Variants in NR5A2 observed in about 807,000 individuals in gnomAD.
NR5A2 encodes nuclear receptor subfamily 5 group A member 2.
NR5A2 carries 26 observed loss-of-function variants against 62.7 expected under a neutral mutation model. That is an observed-to-expected ratio of 0.41 (90% CI 0.30 to 0.58). The LOEUF is 0.58. NR5A2 is among the 20% of genes least tolerant of loss of function. NR5A2 has a pLI of 0.22. For synonymous variants in NR5A2, 246 were observed against 241.7 expected (o/e 1.02, Z -0.16); for missense variants, 541 against 669.1 (o/e 0.81, Z 2.11).
rs189895195 is a variant in NR5A2 at position 200,043,045 on chromosome 1, T to A, written c.203-729T>A. ...CAATACTTTGAAACCAAAACCCTTC[T>A]GTGTGTCTTTTACTCTTCTGGTATT... On this transcript the variant is annotated intron_variant, in intron 2 of 7. Transcript: ENST00000367362. 40 of 970,974 alleles carry A rather than the reference T, an allele frequency of 4.1e-5. No homozygotes were observed. In the African/African-American group the frequency reaches 6.0e-4, roughly 14 times the overall value. The allele number at this position is 970,974 out of a possible 1,614,324, so 60.1% of individuals were successfully genotyped here.
chr1:200,078,056 C>T (rs1016573232), intron 5 of NR5A2, among the ~76,000 whole-genome samples: 4 of 152,320 alleles, frequency 2.6e-5, no homozygotes, highest in African/African-American at 9.6e-5. Context: ...TTAGTATCCT[C>T]ACGTTTCTGT....
chr1:200,033,203 A>G (rs890798269), intron 1 of NR5A2, among the ~76,000 whole-genome samples: 1 of 152,156 alleles, frequency 6.6e-6, no homozygotes, highest in African/African-American at 2.4e-5. Context: ...TTTGTGGTGT[A>G]TGGTAACAAC....
chr1:200,067,792 A>G (rs940749035), intron 5 of NR5A2, among the ~76,000 whole-genome samples: 1 of 152,372 alleles, frequency 6.6e-6, no homozygotes, highest in African/African-American at 2.4e-5. Context: ...GTTTAAAAAC[A>G]CACAAAAAAG....
chr1:200,129,378 A>G (rs1666864366), intron 7 of NR5A2, among the ~76,000 whole-genome samples: 1 of 151,666 alleles, frequency 6.6e-6, no homozygotes, highest in African/African-American at 2.4e-5. Context: ...GGAATAGCAA[A>G]CATTCAGCCA....
intron 7 of NR5A2, among the ~76,000 whole-genome samples, chr1:200,149,711 G>A (rs763008411): frequency 2.0e-5 from 3 of 152,128 alleles, no homozygotes; most frequent in Non-Finnish European, 2.9e-5. Context: ...TCACAATGCC[G>A]GGAGTGCACA....
intron 1 of NR5A2, among the ~76,000 whole-genome samples, chr1:200,035,835 A>G (rs1661752861): frequency 6.6e-6 from 1 of 152,012 alleles, no homozygotes; most frequent in African/African-American, 2.4e-5. Flanking sequence ...GAGGTGGGGG[A>G]AAAGGAGAGA....
At chr1:200,136,050 C>T (rs1667207400) in intron 7 of NR5A2, among the ~76,000 whole-genome samples, 1 of 152,186 alleles carries the variant, frequency 6.6e-6, no homozygotes, top group African/African-American at 2.4e-5. Context: ...ACTCAAGCCG[C>T]TTCACTTTAA....
At chr1:200,061,392 C>CT (rs1246180025) in intron 5 of NR5A2, among the ~76,000 whole-genome samples, 3 of 150,350 alleles carry the variant, frequency 2.0e-5, no homozygotes, top group African/African-American at 7.4e-5. Context: ...GATTCTCCTG[C>CT]TTCAGCCTCC....
chr1:200,152,278 C>G (rs1423278137), intron 7 of NR5A2, among the ~76,000 whole-genome samples: 1 of 152,142 alleles, frequency 6.6e-6, no homozygotes, highest in Non-Finnish European at 1.5e-5. Flanking sequence ...AATTCCCAAT[C>G]TTAACATGTG....
At position 200,175,815 on chromosome 1, in the gene NR5A2, C is replaced by G. The variant is rs189212492; in HGVS notation, c.*1605C>G. Reference sequence around the variant, plus strand: ...TAGACTTTAATTTTTTTGAGATTATCGGCGGCACAATCACTTTGTAGAAAC... The same window carrying G: ...TAGACTTTAATTTTTTTGAGATTATGGGCGGCACAATCACTTTGTAGAAAC... On this transcript the variant is annotated 3_prime_UTR_variant, in exon 8 of 8. Coordinates refer to ENST00000367362, the MANE Select transcript of NR5A2 (RefSeq NM_205860.3). The G allele has an allele frequency of 2.0e-5, 3 of 152,458 alleles. No homozygotes were observed. The highest frequency in any genetic ancestry group is 2.0e-4 in the Admixed American group (3 of 15,266). The allele number at this position is 152,458 out of a possible 1,614,324, so 9.4% of individuals were successfully genotyped here.
intron 5 of NR5A2, among the ~76,000 whole-genome samples, chr1:200,110,429 G>A (rs907867414): frequency 6.6e-6 from 1 of 152,182 alleles, no homozygotes; most frequent in Non-Finnish European, 1.5e-5. Flanking sequence ...GTTCCCTGGC[G>A]GGGAAGGTGG....
intron 7 of NR5A2, among the ~76,000 whole-genome samples, chr1:200,159,500 G>A (rs895243247): frequency 2.6e-5 from 4 of 152,136 alleles, no homozygotes; most frequent in Non-Finnish European, 4.4e-5. Context: ...TGAGCACTAA[G>A]GTCAAGCAAA....
intron 5 of NR5A2, among the ~76,000 whole-genome samples, chr1:200,074,413 A>G (rs1663905483): frequency 6.8e-6 from 1 of 147,484 alleles, no homozygotes. Flanking sequence ...AAAGAAAAAA[A>G]AAAGAAAAAA....
At chr1:200,035,257 G>T (rs1414561346) in intron 1 of NR5A2, among the ~76,000 whole-genome samples, 2 of 152,212 alleles carry the variant, frequency 1.3e-5, no homozygotes, top group East Asian at 3.9e-4. Flanking sequence ...GCACCAAAAA[G>T]TGGGAATGGA....
chr1:200,101,256 A>G (rs532245621), intron 5 of NR5A2, among the ~76,000 whole-genome samples: 1 of 152,302 alleles, frequency 6.6e-6, no homozygotes, highest in African/African-American at 2.4e-5. Flanking sequence ...TAGGTGTTAT[A>G]TTCATTCAAG....
At chr1:200,033,270 C>T (rs1661610601) in intron 1 of NR5A2, among the ~76,000 whole-genome samples, 1 of 152,116 alleles carries the variant, frequency 6.6e-6, no homozygotes, top group Non-Finnish European at 1.5e-5. Context: ...AGAGCATGTA[C>T]TTGTTATAGA....
chr1:200,078,352 T>A (rs1254452199), intron 5 of NR5A2, among the ~76,000 whole-genome samples: 2 of 152,174 alleles, frequency 1.3e-5, no homozygotes, highest in African/African-American at 4.8e-5. Flanking sequence ...AAGGTGCACT[T>A]GCCTGTCTCA....
At chr1:200,059,952 C>G (rs1663119659) in intron 5 of NR5A2, among the ~76,000 whole-genome samples, 1 of 152,038 alleles carries the variant, frequency 6.6e-6, no homozygotes, top group Non-Finnish European at 1.5e-5. Flanking sequence ...TGACATAAAC[C>G]ACGTCACCTA....
intron 5 of NR5A2, among the ~76,000 whole-genome samples, chr1:200,098,816 A>G (rs1665225128): frequency 6.6e-6 from 1 of 152,254 alleles, no homozygotes; most frequent in African/African-American, 2.4e-5. Context: ...TCAAAGACAG[A>G]AAACTAGATA....
Sources: gnomAD v4.1 joint callset for allele counts (sites outside exome capture counted in the v4.1 genomes callset) on GRCh38, gnomAD v4.1.1 for gene constraint, MANE v1.5 for transcripts, NCBI Gene and HGNC (gene_info 2026-07-23, HGNC 2026-07-21) for gene names.